The following KLHL21 variants were observed in gnomAD, a reference collection of about 807,000 sequenced individuals.
The protein encoded by KLHL21 is kelch like family member 21, also known as kelch-like protein 21.
In KLHL21, 42 loss-of-function variants were observed where a neutral mutation model predicts 44.1. That is an observed-to-expected ratio of 0.95 (90% confidence interval 0.74 to 1.23). KLHL21 has a LOEUF of 1.23. Ranked by LOEUF, KLHL21 falls within the 50% of genes most tolerant of loss-of-function variation. The pLI is 0.00. For missense variants in KLHL21, 918 were observed against 889.1 expected (o/e 1.03, Z -0.41); for synonymous variants, 524 against 411.6 (o/e 1.27, Z -3.31).
rs1248439984 is a variant in KLHL21, at chr1:6,595,532, A to G, written c.1453T>C (p.Tyr485His). ...TCCCATTCGTTCCTCGTCGGGTTGTACACGTCCACCTCAGCGGAGTCATCC... is the reference window on the plus strand; with the variant it reads ...TCCCATTCGTTCCTCGTCGGGTTGTGCACGTCCACCTCAGCGGAGTCATCC... ...VRDDSAEVDV[Y>H]NPTRNEWDKI... is the part of the protein sequence containing the mutation. Residue 485 changes from tyrosine to histidine, a missense_variant, in exon 3 of 4, where the codon TAC becomes CAC. Physicochemically the swap from Tyr to His is moderately conservative, Grantham distance 83 (BLOSUM62 2). Transcript: ENST00000377658. 1 of 1,614,054 alleles carries G rather than the reference A, an allele frequency of 6.2e-7. No individual in the cohort carries two copies. Among genetic ancestry groups the G allele is most frequent in the Non-Finnish European group, 8.5e-7 (1 of 1,179,986 alleles).
chr1:6,593,972 G>GA, intron 3 of KLHL21: 1 of 1,154,806 alleles, frequency 8.7e-7, no homozygotes, highest in Non-Finnish European at 1.1e-6. Context: ...CCTCTGGGCT[G>GA]AGCAGTGCTG....
At chr1:6,595,288 T>G (rs991635352) in intron 3 of KLHL21, 197 bp downstream of exon 3, 1 of 668,188 alleles carries the variant, frequency 1.5e-6, no homozygotes, top group African/African-American at 1.8e-5. Flanking sequence ...TACTAAGCTG[T>G]GTAATCATAG....
At chr1:6,598,589 C>G (rs542308399) in intron 2 of KLHL21, among the ~76,000 whole-genome samples, 8 of 147,046 alleles carry the variant, frequency 5.4e-5, no homozygotes, top group Non-Finnish European at 1.2e-4. Context: ...CAAAACAAAA[C>G]AAAAAAAAAC....
chr1:6,595,629 AG>A, intron 2 of KLHL21, 72 bp from the exon 3 acceptor site: 4 of 1,326,678 alleles, frequency 3.0e-6, no homozygotes, highest in Non-Finnish European at 4.2e-6. Context: ...GCTGGAGCAG[AG>A]TCCTCCCCTG....
Position 6,590,803 on chromosome 1 carries a change from C to T in KLHL21, c.*2562G>A, listed in dbSNP as rs1640836159. On this transcript the variant is annotated 3_prime_UTR_variant, in exon 4 of 4. Coordinates refer to ENST00000377658, the MANE Select transcript of KLHL21 (RefSeq NM_014851.4). ...GCAGGATTCTGGACATGGAAGCCTA[C>T]AGAATAGACAAAAATAAATATGTCA... 2.5e-6 allele frequency: 1 copy of T among 397,082 alleles called. No homozygotes were observed. Among genetic ancestry groups the T allele is most frequent in the East Asian group, 3.6e-5 (1 of 28,026 alleles). The allele number at this position is 397,082 out of a possible 1,614,324, so 24.6% of individuals were successfully genotyped here.
intron 3 of KLHL21, chr1:6,594,043 G>A: frequency 9.7e-7 from 1 of 1,032,802 alleles, no homozygotes; most frequent in Non-Finnish European, 1.2e-6. Context: ...GCAGAGCTGG[G>A]CTCTGAACCG....
At position 6,602,386 on chromosome 1, in the gene KLHL21, G is replaced by T; in HGVS notation, c.432C>A (p.Phe144Leu). The change falls in exon 1 of 4, where the codon TTC becomes TTA. Residue 144 changes from phenylalanine to leucine, a missense_variant. Transcript: ENST00000377658. Reference protein sequence around the residue: ...DLANCLDMQDFAEAFSCSGLA... With the variant: ...DLANCLDMQDLAEAFSCSGLA... ...GTCCCGAGCAGCTGAAGGCCTCAGCGAAGTCCTGCATGTCCAGGCAGTTGG... is the reference window on the plus strand; with the variant it reads ...GTCCCGAGCAGCTGAAGGCCTCAGCTAAGTCCTGCATGTCCAGGCAGTTGG... 6.3e-7 allele frequency: 1 copy of T among 1,593,178 alleles called. No homozygotes were observed. The highest frequency in any genetic ancestry group is 2.3e-5 in the East Asian group (1 of 43,750).
Position 6,599,328 on chromosome 1 carries a change from T to TC in KLHL21, c.1145dup (p.Leu383ThrfsTer14). Reference sequence around the variant, plus strand: ...TGTCGGCGGCCACCACGTACAGCAGTCCGTCCAGCACAGAGGAGCTGTGGT... The same window carrying TC: ...TGTCGGCGGCCACCACGTACAGCAGTCCCGTCCAGCACAGAGGAGCTGTGGT... On this transcript the variant is annotated frameshift_variant, in exon 2 of 4. Coordinates refer to ENST00000377658, the MANE Select transcript of KLHL21 (RefSeq NM_014851.4). LOFTEE classifies it high-confidence loss of function. 6.2e-7 allele frequency: 1 copy of TC among 1,613,882 alleles called. No homozygotes were observed.
In KLHL21 at chr1:6,599,067, G is replaced by A. The variant is rs141078522; in HGVS notation, c.1407C>T (p.Asn469=). Residue 469 remains asparagine, a synonymous_variant, in exon 2 of 4, where the codon AAC becomes AAT. Transcript: ENST00000377658. ...CTCACCTGACAAAGTACATGAGTCC[G>A]TTTAGAGTCGCAGTCTTGGGGGCGA... ...WSFAPKTATL[N]GLMYFVRDDS... 2.6e-5 allele frequency: 41 copies of A among 1,597,830 alleles called. No individual in the cohort carries two copies. The highest frequency in any genetic ancestry group is 3.4e-5 in the Admixed American group (2 of 58,378).
intron 1 of KLHL21, among the ~76,000 whole-genome samples, chr1:6,601,055 C>T (rs1641009001): frequency 6.6e-6 from 1 of 152,214 alleles, no homozygotes; most frequent in African/African-American, 2.4e-5. Context: ...CTGGTGGGTT[C>T]TTTCCTTATA....
At chr1:6,597,701 C>G (rs924951262) in intron 2 of KLHL21, among the ~76,000 whole-genome samples, 1 of 152,194 alleles carries the variant, frequency 6.6e-6, no homozygotes, top group African/African-American at 2.4e-5. Flanking sequence ...TCTGGCAGTG[C>G]GAGGCAGGGG....
At chr1:6,599,986 T>C (rs777998070) in intron 1 of KLHL21, among the ~76,000 whole-genome samples, 1 of 152,168 alleles carries the variant, frequency 6.6e-6, no homozygotes, top group East Asian at 1.9e-4. Context: ...CTGTGTTTGG[T>C]TTAGAAAAAT....
Position 6,593,419 on chromosome 1 carries a change from A to C in KLHL21, c.1740T>G (p.Asp580Glu). Residue 580 changes from aspartate to glutamate, a missense_variant, in exon 4 of 4, where the codon GAT becomes GAG. By Grantham distance (45) the Asp-to-Glu change is conservative. Transcript: ENST00000377658. Reference sequence around the variant, plus strand: ...GCCGGGGTCGGCCTGGGTCCATGTCATCGCTGCCACTGTCCAACTCGAAGC... The same window carrying C: ...GCCGGGGTCGGCCTGGGTCCATGTCCTCGCTGCCACTGTCCAACTCGAAGC... Reference protein sequence around the residue: ...GRGFELDSGSDDMDPGRPRPP... With the variant: ...GRGFELDSGSEDMDPGRPRPP... The C allele has an allele frequency of 2.5e-6, 4 of 1,611,588 alleles. No homozygotes were observed.
intron 2 of KLHL21, among the ~76,000 whole-genome samples, chr1:6,597,904 T>C (rs35070405): frequency 0.32 from 48,346 of 152,132 alleles, 7,828 homozygotes; most frequent in Middle Eastern, 0.36. Flanking sequence ...GGCTGCCCCG[T>C]GCCATCATTG....
intron 1 of KLHL21, among the ~76,000 whole-genome samples, chr1:6,600,687 G>C (rs913900648): frequency 6.6e-6 from 1 of 152,222 alleles, no homozygotes; most frequent in Non-Finnish European, 1.5e-5. Flanking sequence ...TTTATGGAAG[G>C]GTGTGCAGAA....
At chr1:6,597,722 A>G (rs1434313717) in intron 2 of KLHL21, among the ~76,000 whole-genome samples, 1 of 152,240 alleles carries the variant, frequency 6.6e-6, no homozygotes, top group East Asian at 1.9e-4. Context: ...GCCAAGGAGC[A>G]GGGAGCTCAC....
chr1:6,602,421 G>T lies in KLHL21; in HGVS notation c.397C>A (p.Leu133Ile). Residue 133 changes from leucine to isoleucine, a missense_variant, in exon 1 of 4, where the codon CTC becomes ATC. Physicochemically the swap from Leu to Ile is conservative, Grantham distance 5 (BLOSUM62 2). Transcript: ENST00000377658. ...EACGAFLQQQ[L>I]DLANCLDMQD... ...ATGTCCAGGCAGTTGGCCAGGTCGA[G>T]CTGCTGCTGCAGGAAGGCCCCGCAC... The T allele has an allele frequency of 1.3e-5, 20 of 1,595,690 alleles. No homozygotes were observed. The highest frequency in any genetic ancestry group is 1.7e-5 in the Non-Finnish European group (20 of 1,175,426).
rs781097466 is a variant in KLHL21, at chr1:6,593,354, C to A, written c.*11G>T. 1 of 1,565,112 alleles carries A rather than the reference C, an allele frequency of 6.4e-7. No individual in the cohort carries two copies. The highest frequency in any genetic ancestry group is 1.1e-5 in the South Asian group (1 of 87,728). On this transcript the variant is annotated 3_prime_UTR_variant, in exon 4 of 4. Coordinates refer to ENST00000377658, the MANE Select transcript of KLHL21 (RefSeq NM_014851.4). Reference sequence around the variant, plus strand: ...TACCTGCACCGAGGCCCGTGCCGGGCCAGACTGGGGCTAGTGCAGCTCATC... The same window carrying A: ...TACCTGCACCGAGGCCCGTGCCGGGACAGACTGGGGCTAGTGCAGCTCATC...
rs1231867241 is a variant in KLHL21 at position 6,590,951 on chromosome 1, C to CGTAT, written c.*2413_*2414insATAC. The CGTAT allele has an allele frequency of 7.5e-6, 3 of 398,526 alleles. No homozygotes were observed. Among genetic ancestry groups the CGTAT allele is most frequent in the Non-Finnish European group, 1.3e-5 (3 of 226,080 alleles). 24.7% of individuals were successfully genotyped at this position (398,526 alleles called of 1,614,324 possible). A position where few individuals can be genotyped will look rare whatever the true frequency, so the allele number is the denominator to read the frequency against. ...CTTATAGTAGATCAGCATTAAATACCAGTCACTGTGTTTATATAACTTAAT... is the reference window on the plus strand; with the variant it reads ...CTTATAGTAGATCAGCATTAAATACCGTATAGTCACTGTGTTTATATAACTTAAT... On this transcript the variant is annotated 3_prime_UTR_variant, in exon 4 of 4. Transcript: ENST00000377658.
Sources: allele counts gnomAD v4.1 joint callset (sites outside exome capture counted in the v4.1 genomes callset), GRCh38; gene constraint gnomAD v4.1.1; transcripts MANE v1.5; gene names NCBI Gene and HGNC (gene_info 2026-07-23, HGNC 2026-07-21).